Variants in ELAVL1 observed in about 807,000 individuals in gnomAD.
The protein encoded by ELAVL1 is ELAV like RNA binding protein 1.
ELAVL1 carries 1 observed loss-of-function variant against 28.4 expected under a neutral mutation model. The observed-to-expected ratio is 0.04, with a 90% CI of 0.01 to 0.17. ELAVL1 has a LOEUF of 0.17. ELAVL1 is among the 10% of genes least tolerant of loss of function. ELAVL1 has a pLI of 1.00. For missense variants in ELAVL1, 157 were observed against 447.2 expected (o/e 0.35, Z 5.85); for synonymous variants, 174 against 183.5 (o/e 0.95, Z 0.42).
In ELAVL1 at chr19:7,963,197, A is replaced by G; in HGVS notation, c.*286T>C. 1 of 385,682 alleles carries G rather than the reference A, an allele frequency of 2.6e-6. No homozygotes were observed. 23.9% of individuals were successfully genotyped at this position (385,682 alleles called of 1,614,324 possible). A position where few individuals can be genotyped will look rare whatever the true frequency, so the allele number is the denominator to read the frequency against. On this transcript the variant is annotated 3_prime_UTR_variant, in exon 6 of 6. Coordinates refer to ENST00000407627, the MANE Select transcript of ELAVL1 (RefSeq NM_001419.3). This position sits in a 1 kb window ranked among gnomAD's most constrained non-coding sequence, Gnocchi z 4.5. ...GGTTAAAGCATGCTTCAGGTTCACC[A>G]CCATCCAGAGGGACTGGTTAGTCAA...
chr19:7,996,382 C>T (rs889183354), intron 1 of ELAVL1, among the ~76,000 whole-genome samples: 7 of 151,760 alleles, frequency 4.6e-5, no homozygotes, highest in South Asian at 2.1e-4. Context: ...GGGGTTTCAC[C>T]GTGTTAGCCA....
At chr19:7,987,915 G>A (rs564776563) in intron 2 of ELAVL1, among the ~76,000 whole-genome samples, 21 of 152,322 alleles carry the variant, frequency 1.4e-4, no homozygotes, top group East Asian at 7.7e-4. Context: ...AAGCAAACAC[G>A]ACCAGGACCT....
intron 4 of ELAVL1, among the ~76,000 whole-genome samples, chr19:7,971,064 T>A (rs1260348925): frequency 3.3e-5 from 5 of 152,130 alleles, no homozygotes; most frequent in African/African-American, 1.2e-4. Context: ...CCCTCACTGC[T>A]CTGCAAAGAT....
Position 7,970,561 on chromosome 19 carries a change from G to A in ELAVL1, c.431-2771C>T, listed in dbSNP as rs545371541. Among the ~76,000 whole-genome samples, 167 of 152,292 alleles carry A rather than the reference G, an allele frequency of 1.1e-3. 1 individual carries two copies. Among genetic ancestry groups the A allele is most frequent in the Admixed American group, 2.3e-3 (35 of 15,302 alleles). ...CTCCCAAAATGCTGGGATTACAGGC[G>A]TGAGCCACGGCCCCCGGCCCCCTTG... On this transcript the variant is annotated intron_variant, in intron 4 of 5. Transcript: ENST00000407627.
rs1482757016 is a variant in ELAVL1 at position 7,961,883 on chromosome 19, C to A, written c.*1600G>T. On this transcript the variant is annotated 3_prime_UTR_variant, in exon 6 of 6. Transcript: ENST00000407627. ...GGTATAAATAAACAGATAAATACAG[C>A]CATCATCTCATGAGAGCAATAACTA... 6.6e-6 allele frequency: 1 copy of A among 152,166 alleles called. No homozygotes were observed. Among genetic ancestry groups the A allele is most frequent in the Non-Finnish European group, 1.5e-5 (1 of 68,024 alleles). 9.4% of individuals were successfully genotyped at this position (152,166 alleles called of 1,614,324 possible).
At chr19:7,970,750 TGG>T (rs1186590053) in intron 4 of ELAVL1, among the ~76,000 whole-genome samples, 4 of 150,968 alleles carry the variant, frequency 2.6e-5, no homozygotes, top group South Asian at 4.2e-4. Context: ...AAAAAAGAGT[TGG>T]GGGTCTCGCT....
intron 3 of ELAVL1, among the ~76,000 whole-genome samples, chr19:7,974,851 AAC>A (rs544341909): frequency 6.6e-6 from 1 of 152,164 alleles, no homozygotes; most frequent in Non-Finnish European, 1.5e-5. Context: ...GCGTGCTGAG[AAC>A]ACACACACAG....
chr19:7,998,285 C>A (rs1212357861), intron 1 of ELAVL1, among the ~76,000 whole-genome samples: 1 of 152,218 alleles, frequency 6.6e-6, no homozygotes, highest in Non-Finnish European at 1.5e-5. Context: ...ACTCCCAAGT[C>A]GTAGCCACTT....
At chr19:7,989,379 G>A (rs1281010204) in intron 2 of ELAVL1, among the ~76,000 whole-genome samples, 2 of 152,208 alleles carry the variant, frequency 1.3e-5, no homozygotes, top group African/African-American at 4.8e-5. Context: ...CCAAAGATAA[G>A]ACAGGGCTCA....
At chr19:7,988,088 TGAG>T (rs948463357) in intron 2 of ELAVL1, among the ~76,000 whole-genome samples, 1 of 151,892 alleles carries the variant, frequency 6.6e-6, no homozygotes, top group Non-Finnish European at 1.5e-5. Flanking sequence ...GAATGGTGGC[TGAG>T]GAGAGAGGGG....
At chr19:7,976,093 TA>T (rs879767762) in intron 3 of ELAVL1, among the ~76,000 whole-genome samples, 784 of 136,138 alleles carry the variant, frequency 5.8e-3, no homozygotes, top group Non-Finnish European at 5.5e-3. Flanking sequence ...GTCCTGTCTT[TA>T]AAAAAAAAAA....
At chr19:7,964,323 G>T (rs1347465269) in intron 5 of ELAVL1, among the ~76,000 whole-genome samples, 2 of 152,042 alleles carry the variant, frequency 1.3e-5, no homozygotes, top group Non-Finnish European at 2.9e-5. Flanking sequence ...CCTTTGCCAG[G>T]GCCACTTGTA....
intron 4 of ELAVL1, among the ~76,000 whole-genome samples, chr19:7,972,485 G>A (rs919547776): frequency 2.6e-5 from 4 of 152,240 alleles, no homozygotes; most frequent in African/African-American, 9.6e-5. Context: ...AGAGGAATTC[G>A]CTGCCATGTG....
chr19:7,981,952 G>A lies in ELAVL1; in HGVS notation c.173-766C>T, dbSNP rs781617056. On this transcript the variant is annotated intron_variant, in intron 2 of 5. Coordinates refer to ENST00000407627, the MANE Select transcript of ELAVL1 (RefSeq NM_001419.3). This position sits in a 1 kb window ranked among gnomAD's most constrained non-coding sequence, Gnocchi z 4.2. Reference sequence around the variant, plus strand: ...CAGTTCCATTTACCTTTCCAAGCCTGAGACCAGCCCGACCCCGCTGTGGGG... The same window carrying A: ...CAGTTCCATTTACCTTTCCAAGCCTAAGACCAGCCCGACCCCGCTGTGGGG... Among the ~76,000 whole-genome samples, 1 of 152,162 alleles carries A rather than the reference G, an allele frequency of 6.6e-6. No individual in the cohort carries two copies. Among genetic ancestry groups the A allele is most frequent in the Non-Finnish European group, 1.5e-5 (1 of 68,024 alleles).
chr19:7,998,392 G>A (rs766144319), intron 1 of ELAVL1, among the ~76,000 whole-genome samples: 2 of 152,156 alleles, frequency 1.3e-5, no homozygotes, highest in Admixed American at 6.5e-5. Context: ...GAGGCTCGGC[G>A]GTCACACGAT....
Position 7,981,327 on chromosome 19 carries a change from G to A in ELAVL1, c.173-141C>T, listed in dbSNP as rs749802959. On this transcript the variant is annotated intron_variant, in intron 2 of 5. Coordinates refer to ENST00000407627, the MANE Select transcript of ELAVL1 (RefSeq NM_001419.3). The surrounding 1 kb of genome is among the most constrained non-coding windows in gnomAD (Gnocchi z 4.2). ...AAACTTTATTTTCTTTGGCAAACACGTACATTTTCTGCAATGAACACAGGT... is the reference window on the plus strand; with the variant it reads ...AAACTTTATTTTCTTTGGCAAACACATACATTTTCTGCAATGAACACAGGT... The A allele has an allele frequency of 1.9e-4, 126 of 677,358 alleles. No individual in the cohort carries two copies. The highest frequency in any genetic ancestry group is 2.9e-4 in the Non-Finnish European group (115 of 393,260). The allele number at this position is 677,358 out of a possible 1,614,324, so 42.0% of individuals were successfully genotyped here. A position where few individuals can be genotyped will look rare whatever the true frequency, so the allele number is the denominator to read the frequency against.
rs1985475749 is a variant in ELAVL1 at position 7,981,919 on chromosome 19, C to G, written c.173-733G>C. Among the ~76,000 whole-genome samples the G allele has an allele frequency of 6.6e-6, 1 of 152,146 alleles. No homozygotes were observed. Among genetic ancestry groups the G allele is most frequent in the African/African-American group, 2.4e-5 (1 of 41,424 alleles). On this transcript the variant is annotated intron_variant, in intron 2 of 5. Transcript: ENST00000407627. The surrounding 1 kb of genome is among the most constrained non-coding windows in gnomAD (Gnocchi z 4.2). Reference sequence around the variant, plus strand: ...AGAGCAGGAGGGCCTGCTGGCACCACCCACCACCAGTTCCATTTACCTTTC... The same window carrying G: ...AGAGCAGGAGGGCCTGCTGGCACCAGCCACCACCAGTTCCATTTACCTTTC...
At chr19:7,964,046 C>T (rs1203917535) in intron 5 of ELAVL1, among the ~76,000 whole-genome samples, 1 of 152,110 alleles carries the variant, frequency 6.6e-6, no homozygotes, top group Non-Finnish European at 1.5e-5. Flanking sequence ...TGGTGCCCTC[C>T]ACTCCTCCCA....
chr19:7,991,538 G>A, intron 2 of ELAVL1, 106 bp downstream of exon 2: 1 of 1,131,312 alleles, frequency 8.8e-7, no homozygotes, highest in Non-Finnish European at 1.3e-6. Flanking sequence ...TTTCAAGGCT[G>A]TAGTTATCCT....
Sources: allele counts gnomAD v4.1 joint callset (sites outside exome capture counted in the v4.1 genomes callset), GRCh38; gene constraint gnomAD v4.1.1; non-coding constraint Gnocchi (gnomAD v3.1); transcripts MANE v1.5; gene names NCBI Gene and HGNC (gene_info 2026-07-23, HGNC 2026-07-21).